The following CAND1 variants were observed in gnomAD, a reference collection of about 807,000 sequenced individuals.
CAND1 encodes the protein cullin associated and neddylation dissociated 1.
In CAND1, 7 loss-of-function variants were observed where a neutral mutation model predicts 108.5. The observed-to-expected ratio is 0.06, with a 90% CI of 0.04 to 0.12. CAND1 has a LOEUF of 0.12. CAND1 is among the 10% of genes least tolerant of loss of function. The probability of loss-of-function intolerance (pLI) is 1.00; values close to 1 mark genes in which losing one functional copy is unlikely to be tolerated. For synonymous variants in CAND1, 534 were observed against 512.0 expected (o/e 1.04, Z -0.58); for missense variants, 941 against 1,448.7 (o/e 0.65, Z 5.69).
chr12:67,285,794 C>G (rs1592608820), intron 2 of CAND1, among the ~76,000 whole-genome samples: 2 of 152,198 alleles, frequency 1.3e-5, no homozygotes, highest in African/African-American at 4.8e-5. Flanking sequence ...AGTATGTGTT[C>G]CTGTGTCTGG....
rs557106057 is a variant in CAND1, at chr12:67,269,643, T to TGGCGGCGGCGGC, written c.-68_-57dup. On this transcript the variant is annotated 5_prime_UTR_variant, in exon 1 of 15. Coordinates refer to ENST00000545606, the MANE Select transcript of CAND1 (RefSeq NM_018448.5). ...CCGCGAGCGAGAGGAGGAGCTCCAG[T>TGGCGGCGGCGGC]GGCGGCGGCGGCGGCGGCAGCGGCA... is the stretch of plus-strand genomic sequence containing the variant. 8 of 1,315,764 alleles carry TGGCGGCGGCGGC rather than the reference T, an allele frequency of 6.1e-6. 1 individual carries two copies. The highest frequency in any genetic ancestry group is 3.7e-5 in the Admixed American group (2 of 54,036). The allele number at this position is 1,315,764 out of a possible 1,614,324, so 81.5% of individuals were successfully genotyped here. A position where few individuals can be genotyped will look rare whatever the true frequency, so the allele number is the denominator to read the frequency against.
rs1213641571 is a variant in CAND1 at position 67,317,370 on chromosome 12, C to T, written c.*4540C>T. 1 of 151,900 alleles carries T rather than the reference C, an allele frequency of 6.6e-6. No individual in the cohort carries two copies. Among genetic ancestry groups the T allele is most frequent in the Non-Finnish European group, 1.5e-5 (1 of 68,042 alleles). 9.4% of individuals were successfully genotyped at this position (151,900 alleles called of 1,614,324 possible). A position where few individuals can be genotyped will look rare whatever the true frequency, so the allele number is the denominator to read the frequency against. ...CAGGATGATCTCAAACTCCTGGGCTCAAGCAATCCTGTGTTGGCCTCCTAA... is the reference window on the plus strand; with the variant it reads ...CAGGATGATCTCAAACTCCTGGGCTTAAGCAATCCTGTGTTGGCCTCCTAA... On this transcript the variant is annotated 3_prime_UTR_variant, in exon 15 of 15. Transcript: ENST00000545606.
chr12:67,289,618 C>G (rs1285327421), intron 2 of CAND1, among the ~76,000 whole-genome samples: 1 of 152,180 alleles, frequency 6.6e-6, no homozygotes. Flanking sequence ...CTCAAGGAGC[C>G]CACTCGCCTC....
At chr12:67,272,226 T>C (rs551832556) in intron 1 of CAND1, among the ~76,000 whole-genome samples, 3 of 152,276 alleles carry the variant, frequency 2.0e-5, no homozygotes, top group Admixed American at 1.3e-4. Context: ...AAGAGCAAAT[T>C]TTATTATCCT....
At chr12:67,298,832 C>T in intron 6 of CAND1, 118 bp from the exon 7 acceptor site, 2 of 646,392 alleles carry the variant, frequency 3.1e-6, no homozygotes. Flanking sequence ...ATCATTGGTG[C>T]TAGATAGTCT....
At chr12:67,294,557 T>C (rs1592614764) in intron 3 of CAND1, among the ~76,000 whole-genome samples, 1 of 152,324 alleles carries the variant, frequency 6.6e-6, no homozygotes, top group Middle Eastern at 3.4e-3. Context: ...ACTGGCTCCA[T>C]AGCTAGCATT....
chr12:67,295,261 A>G (rs761192342), intron 4 of CAND1, 105 bp downstream of exon 4: 37 of 1,032,524 alleles, frequency 3.6e-5, no homozygotes, highest in Non-Finnish European at 5.0e-5. Flanking sequence ...GAAATTATTC[A>G]TATTTAAATG....
intron 2 of CAND1, among the ~76,000 whole-genome samples, chr12:67,292,027 T>C (rs1458352836): frequency 6.6e-6 from 1 of 152,166 alleles, no homozygotes; most frequent in African/African-American, 2.4e-5. Flanking sequence ...AATGCCCAGC[T>C]AATTTTTTTT....
intron 8 of CAND1, among the ~76,000 whole-genome samples, chr12:67,303,004 C>T (rs543023782): frequency 5.9e-5 from 9 of 152,252 alleles, no homozygotes; most frequent in Admixed American, 2.6e-4. Flanking sequence ...GTAATAAGAA[C>T]GTACTTAGAA....
chr12:67,296,207 A>G (rs745397271), intron 4 of CAND1, among the ~76,000 whole-genome samples: 14 of 152,162 alleles, frequency 9.2e-5, no homozygotes, highest in Non-Finnish European at 2.1e-4. Flanking sequence ...TTTAATCACG[A>G]ACACTGATTG....
At chr12:67,278,141 CTTTA>C (rs1471270526) in intron 1 of CAND1, among the ~76,000 whole-genome samples, 1 of 152,244 alleles carries the variant, frequency 6.6e-6, no homozygotes, top group Admixed American at 6.5e-5. Context: ...TTTGCCTACT[CTTTA>C]TTTATTTTTG....
At chr12:67,292,900 C>T (rs1389453984) in intron 3 of CAND1, 124 bp downstream of exon 3, 4 of 797,890 alleles carry the variant, frequency 5.0e-6, no homozygotes, top group South Asian at 1.6e-5. Context: ...CATAGGAATC[C>T]CTTTGGACAA....
chr12:67,273,685 C>T (rs762318549), intron 1 of CAND1, among the ~76,000 whole-genome samples: 27 of 151,852 alleles, frequency 1.8e-4, no homozygotes, highest in Non-Finnish European at 3.1e-4. Flanking sequence ...CCATGTTTCC[C>T]AGGCTGGTCT....
rs1356448284 is a variant in CAND1, at chr12:67,307,570, A to T, written c.3025+78A>T. 5 of 826,576 alleles carry T rather than the reference A, an allele frequency of 6.0e-6. No homozygotes were observed. The African/African-American group carries it at 6.9e-5, about 11-fold the overall frequency. The allele number at this position is 826,576 out of a possible 1,614,324, so 51.2% of individuals were successfully genotyped here. A position where few individuals can be genotyped will look rare whatever the true frequency, so the allele number is the denominator to read the frequency against. On this transcript the variant is annotated intron_variant, in intron 11 of 14. Coordinates refer to ENST00000545606, the MANE Select transcript of CAND1 (RefSeq NM_018448.5). Reference sequence around the variant, plus strand: ...GAAACTCTTGAACTTAGTAACTAGAAATATCGAGGAATTAAAATGCTTATA... The same window carrying T: ...GAAACTCTTGAACTTAGTAACTAGATATATCGAGGAATTAAAATGCTTATA...
At position 67,269,771 on chromosome 12, in the gene CAND1, C is replaced by T; in HGVS notation, c.54C>T (p.Ser18=). The change falls in exon 1 of 15, where the codon AGC becomes AGT. Residue 18 remains serine (S), a synonymous_variant. Transcript: ENST00000545606. ...ISNLLEKMTS[S]DKDFRFMATN... ...ATTTGCTGGAAAAAATGACATCCAG[C>T]GACAAGGACTTTAGGTGAGGCCGAG... 1 of 1,606,148 alleles carries T rather than the reference C, an allele frequency of 6.2e-7. No homozygotes were observed. Among genetic ancestry groups the T allele is most frequent in the Non-Finnish European group, 8.5e-7 (1 of 1,177,436 alleles).
chr12:67,297,432 C>T lies in CAND1; in HGVS notation c.517C>T (p.His173Tyr). ...SRQGGLLVNFHPSILTCLLPQ... is the reference protein window; with the variant it reads ...SRQGGLLVNFYPSILTCLLPQ... ...GCAAGGAGGACTTCTTGTTAATTTC[C>T]ATCCTTCAATTCTGACCTGTCTACT... is the stretch of plus-strand genomic sequence containing the variant. The change falls in exon 5 of 15, where the codon CAT (histidine) becomes TAT (tyrosine). Residue 173 changes from histidine to tyrosine, a missense_variant. By Grantham distance (83) the His-to-Tyr change is moderately conservative. Transcript: ENST00000545606. The T allele has an allele frequency of 1.2e-6, 2 of 1,611,608 alleles. No individual in the cohort carries two copies. Among genetic ancestry groups the T allele is most frequent in the Non-Finnish European group, 1.7e-6 (2 of 1,179,182 alleles).
At chr12:67,288,562 A>C (rs1286786368) in intron 2 of CAND1, among the ~76,000 whole-genome samples, 1 of 152,220 alleles carries the variant, frequency 6.6e-6, no homozygotes, top group Admixed American at 6.5e-5. Flanking sequence ...AATGTTAAAG[A>C]CAAAATTGTT....
chr12:67,302,374 G>A lies in CAND1; in HGVS notation c.1052G>A (p.Arg351His). The change falls in exon 8 of 15, where the codon CGT becomes CAT. Residue 351 changes from arginine to histidine, a missense_variant. Coordinates refer to ENST00000545606, the MANE Select transcript of CAND1 (RefSeq NM_018448.5). ...GATGACATGAGTTGGAAAGTGAGACGTGCAGCTGCGAAGTGCTTGGATGCT... is the reference window on the plus strand; with the variant it reads ...GATGACATGAGTTGGAAAGTGAGACATGCAGCTGCGAAGTGCTTGGATGCT... ...DDDDMSWKVR[R>H]AAAKCLDAVV... 2 of 1,614,012 alleles carry A rather than the reference G, an allele frequency of 1.2e-6. No homozygotes were observed. The highest frequency in any genetic ancestry group is 1.3e-5 in the African/African-American group (1 of 75,050).
chr12:67,302,031 A>G (rs754309962), intron 7 of CAND1, among the ~76,000 whole-genome samples: 2 of 152,218 alleles, frequency 1.3e-5, no homozygotes, highest in Non-Finnish European at 2.9e-5. Context: ...GTGTTAATTG[A>G]TGATTTTAAA....
Sources: gnomAD v4.1 joint callset for allele counts (sites outside exome capture counted in the v4.1 genomes callset) on GRCh38, gnomAD v4.1.1 for gene constraint, MANE v1.5 for transcripts, NCBI Gene and HGNC (gene_info 2026-07-23, HGNC 2026-07-21) for gene names.